Variants in STK3 observed in about 807,000 individuals in gnomAD.
The protein encoded by STK3 is serine/threonine-protein kinase 3.
STK3 carries 41 observed loss-of-function variants against 58.0 expected under a neutral mutation model. That is an observed-to-expected ratio of 0.71 (90% CI 0.55 to 0.92). The LOEUF is 0.92. STK3 is among the 40% of genes least tolerant of loss of function. The pLI, the probability that STK3 is intolerant of heterozygous loss-of-function variation, is 0.00. For missense variants in STK3, 479 were observed against 602.7 expected (o/e 0.79, Z 2.15); for synonymous variants, 170 against 191.0 (o/e 0.89, Z 0.91).
chr8:98,835,608 C>T lies in STK3; in HGVS notation c.110+48039G>A, dbSNP rs6985532. Among the ~76,000 whole-genome samples, 355 of 152,294 alleles carry T rather than the reference C, an allele frequency of 2.3e-3. 1 individual carries two copies. The highest frequency in any genetic ancestry group is 8.1e-3 in the African/African-American group (336 of 41,570). On this transcript the variant is annotated intron_variant, in intron 3 of 12. Coordinates refer to the STK3 transcript ENST00000523601. ...CTCCTCCCTCAGGCAATTTTGCTACCGAGTGCCCGCATTGAGACACCTCAC... is the reference window on the plus strand; with the variant it reads ...CTCCTCCCTCAGGCAATTTTGCTACTGAGTGCCCGCATTGAGACACCTCAC...
chr8:98,893,421 GGAAAGAAAGAAAGAAAGAAAGAAAGAAA>G (rs1230218579), intron 1 of STK3, among the ~76,000 whole-genome samples: 63 of 60,518 alleles, frequency 1.0e-3, no homozygotes, highest in Admixed American at 1.7e-3. Context: ...AAGGAAGGAA[GGAAAGAAAGAAAGAAAGAAAGAAAGAAA>G]GAAAGAAAGA....
At chr8:98,655,033 C>T (rs1821358965) in intron 6 of STK3, among the ~76,000 whole-genome samples, 1 of 151,740 alleles carries the variant, frequency 6.6e-6, no homozygotes, top group Non-Finnish European at 1.5e-5. Flanking sequence ...CCAAGTCAAT[C>T]CTAAGCCAAA....
intron 2 of STK3, among the ~76,000 whole-genome samples, chr8:98,773,631 T>G (rs1831460922): frequency 6.6e-6 from 1 of 152,094 alleles, no homozygotes; most frequent in Admixed American, 6.6e-5. Flanking sequence ...TTCCATTATT[T>G]GTTTTACTTG....
chr8:98,839,755 G>A (rs548462568), intron 3 of STK3, among the ~76,000 whole-genome samples: 2 of 152,298 alleles, frequency 1.3e-5, no homozygotes, highest in East Asian at 3.9e-4. Flanking sequence ...AAGAGGGTAA[G>A]ATGACTGTGG....
chr8:98,433,969 A>G (rs1254450813), intron 3 of STK3, among the ~76,000 whole-genome samples: 1 of 152,230 alleles, frequency 6.6e-6, no homozygotes, highest in African/African-American at 2.4e-5. Flanking sequence ...AATCAATAAG[A>G]TCCCATTCGA....
chr8:98,441,867 G>A (rs1818709509), intron 1 of STK3, among the ~76,000 whole-genome samples: 1 of 152,062 alleles, frequency 6.6e-6, no homozygotes, highest in African/African-American at 2.4e-5. Context: ...TTCCATCCAT[G>A]CCTCTGATTA....
intron 10 of STK3, among the ~76,000 whole-genome samples, chr8:98,494,130 C>T (rs1034535251): frequency 6.6e-6 from 1 of 152,156 alleles, no homozygotes; most frequent in Non-Finnish European, 1.5e-5. Context: ...TATCCATAAG[C>T]CCAACTCCCA....
the STK3 span, among the ~76,000 whole-genome samples, chr8:98,348,518 A>C: frequency 1.3e-5 from 2 of 152,250 alleles, no homozygotes; most frequent in Non-Finnish European, 2.9e-5. Flanking sequence ...CAAAAGACGC[A>C]TTTAATAAAG....
intron 8 of STK3, among the ~76,000 whole-genome samples, chr8:98,578,262 C>T (rs1315821149): frequency 1.3e-5 from 2 of 152,104 alleles, no homozygotes. Context: ...TTTACATCTC[C>T]CATATCACCT....
At chr8:98,378,314 AC>A (rs2130997607) in intron 2 of STK3, among the ~76,000 whole-genome samples, 2 of 152,236 alleles carry the variant, frequency 1.3e-5, no homozygotes, top group South Asian at 4.2e-4. Flanking sequence ...TTGAAGAGTT[AC>A]TTTGTCACCT....
At chr8:98,807,974 A>T (rs895873493) in intron 1 of STK3, among the ~76,000 whole-genome samples, 1 of 152,166 alleles carries the variant, frequency 6.6e-6, no homozygotes, top group Non-Finnish European at 1.5e-5. Context: ...AACAGAATAC[A>T]CTCGTAGAAA....
intron 1 of STK3, among the ~76,000 whole-genome samples, chr8:98,926,584 A>ATGT (rs1839808365): frequency 6.6e-6 from 1 of 152,198 alleles, no homozygotes; most frequent in Non-Finnish European, 1.5e-5. Flanking sequence ...TCTATAATGC[A>ATGT]GTAATATGGA....
intron 10 of STK3, among the ~76,000 whole-genome samples, chr8:98,457,735 G>A (rs954097701): frequency 6.6e-6 from 1 of 152,050 alleles, no homozygotes; most frequent in African/African-American, 2.4e-5. Flanking sequence ...CCAAAGGAGT[G>A]GGTTACTCTA....
chr8:98,838,449 G>C (rs1835831791), intron 3 of STK3, among the ~76,000 whole-genome samples: 1 of 152,102 alleles, frequency 6.6e-6, no homozygotes, highest in Non-Finnish European at 1.5e-5. Context: ...AGGGAAGTAA[G>C]AATACCCCTA....
rs1458382540 is a variant in STK3, at chr8:98,938,101, T to C, written c.-79+4277A>G. On this transcript the variant is annotated intron_variant, in intron 1 of 1. Transcript: ENST00000519420. ...TGGTCAGTATGAAAATTCATTTTTG[T>C]TTATATGCGTTTTCAGTGGCTTCCC... is the stretch of plus-strand genomic sequence containing the variant. Among the ~76,000 whole-genome samples, 4 of 152,174 alleles carry C rather than the reference T, an allele frequency of 2.6e-5. No homozygotes were observed. The East Asian group carries it at 7.7e-4, about 29-fold the overall frequency.
At chr8:98,489,462 A>G (rs1326122551) in intron 10 of STK3, among the ~76,000 whole-genome samples, 1 of 152,188 alleles carries the variant, frequency 6.6e-6, no homozygotes, top group Non-Finnish European at 1.5e-5. Context: ...GTTGTTGTGC[A>G]GTAACTTAAA....
chr8:98,356,922 C>T, the STK3 span, among the ~76,000 whole-genome samples: 1 of 152,260 alleles, frequency 6.6e-6, no homozygotes, highest in South Asian at 2.1e-4. Flanking sequence ...CGGTCTGTGG[C>T]CAGCTGGCAC....
At chr8:98,716,215 C>T (rs1004924136) in intron 4 of STK3, among the ~76,000 whole-genome samples, 4 of 152,092 alleles carry the variant, frequency 2.6e-5, no homozygotes, top group Admixed American at 2.0e-4. Context: ...AGTACACTAA[C>T]ATGGCACATG....
chr8:98,681,091 T>C (rs965774884), intron 6 of STK3, among the ~76,000 whole-genome samples: 2 of 151,572 alleles, frequency 1.3e-5, no homozygotes, highest in Admixed American at 6.6e-5. Flanking sequence ...CTCCGCCTTC[T>C]GGGTTCAAGC....
Sources: allele counts gnomAD v4.1 joint callset (sites outside exome capture counted in the v4.1 genomes callset), GRCh38; gene constraint gnomAD v4.1.1; transcripts MANE v1.5; gene names NCBI Gene and HGNC (gene_info 2026-07-23, HGNC 2026-07-21).